Variants in RAVER2 observed in about 807,000 individuals in gnomAD.
RAVER2 encodes ribonucleoprotein PTB-binding 2.
RAVER2 carries 46 observed loss-of-function variants against 78.1 expected under a neutral mutation model. The ratio of observed to expected loss-of-function variants is 0.59; its 90% confidence interval spans 0.46 to 0.75. RAVER2 has a LOEUF of 0.75. Among genes scored for constraint, RAVER2 ranks in the 30% least tolerant of loss-of-function variants. The pLI is 0.00. For missense variants in RAVER2, 793 were observed against 837.5 expected (o/e 0.95, Z 0.66); for synonymous variants, 311 against 313.3 (o/e 0.99, Z 0.08).
At chr1:64,824,646 T>G (rs950934893) in intron 11 of RAVER2, among the ~76,000 whole-genome samples, 3 of 151,978 alleles carry the variant, frequency 2.0e-5, no homozygotes, top group African/African-American at 7.3e-5. Context: ...GAAATGTATT[T>G]CGGCTGGGCG....
chr1:64,803,179 TTAA>T (rs1290290716), intron 6 of RAVER2, 118 bp downstream of exon 6: 4 of 735,248 alleles, frequency 5.4e-6, no homozygotes, highest in East Asian at 2.8e-5. Flanking sequence ...AAGAAAATCT[TTAA>T]TAATAAGTAT....
At chr1:64,815,361 T>G (rs1024095652) in intron 11 of RAVER2, 1 of 152,220 alleles carries the variant, frequency 6.6e-6, no homozygotes, top group African/African-American at 2.4e-5. Flanking sequence ...GATGATCATA[T>G]TTACAGACAC....
intron 5 of RAVER2, among the ~76,000 whole-genome samples, chr1:64,792,931 T>C (rs1195476692): frequency 6.6e-6 from 1 of 152,190 alleles, no homozygotes; most frequent in African/African-American, 2.4e-5. Context: ...GGCTGGGTGC[T>C]GTAGTTCACG....
In RAVER2 at chr1:64,786,143, TA is replaced by T. The variant is rs908030664; in HGVS notation, c.979-3244del. ...GTTGATGCTTTGAGAAAGAAGATTA[TA>T]GTAATTTGTTTCTTGTTCCTTTAGA... is the stretch of plus-strand genomic sequence containing the variant. On this transcript the variant is annotated intron_variant, in intron 4 of 11. Coordinates refer to ENST00000294428, the Ensembl canonical transcript of RAVER2. Among the ~76,000 whole-genome samples, 14 of 152,314 alleles carry T rather than the reference TA, an allele frequency of 9.2e-5. No homozygotes were observed. The East Asian group carries it at 1.7e-3, about 19-fold the overall frequency.
intron 11 of RAVER2, among the ~76,000 whole-genome samples, chr1:64,823,238 G>A (rs186848902): frequency 2.6e-5 from 4 of 152,194 alleles, no homozygotes; most frequent in Non-Finnish European, 5.9e-5. Flanking sequence ...AAAGTAGTTA[G>A]TTATGAGCAA....
chr1:64,810,074 A>C (rs776776437), intron 9 of RAVER2, among the ~76,000 whole-genome samples: 6 of 152,050 alleles, frequency 3.9e-5, no homozygotes, highest in Non-Finnish European at 7.4e-5. Flanking sequence ...CCTGCTTTCA[A>C]TTCTTTGGGG....
chr1:64,808,311 A>C (rs1326179345), intron 9 of RAVER2, among the ~76,000 whole-genome samples: 2 of 152,132 alleles, frequency 1.3e-5, no homozygotes, highest in Non-Finnish European at 2.9e-5. Flanking sequence ...AGCAGTTTGT[A>C]AGGAAAAAAA....
chr1:64,790,453 A>G (rs1652906072), intron 5 of RAVER2, among the ~76,000 whole-genome samples: 1 of 152,192 alleles, frequency 6.6e-6, no homozygotes, highest in Non-Finnish European at 1.5e-5. Flanking sequence ...ATTTTCCTTA[A>G]TAATGGCCCC....
chr1:64,755,849 G>A (rs1015698554), intron 1 of RAVER2, among the ~76,000 whole-genome samples: 5 of 140,420 alleles, frequency 3.6e-5, no homozygotes, highest in South Asian at 2.3e-4. Flanking sequence ...TTACAGAAAT[G>A]TTTTAAGTAT....
intron 1 of RAVER2, among the ~76,000 whole-genome samples, chr1:64,749,298 C>T (rs539477406): frequency 1.3e-5 from 2 of 152,302 alleles, no homozygotes; most frequent in Admixed American, 1.3e-4. Flanking sequence ...GCAACCTCCA[C>T]CTCCTGGGTT....
At chr1:64,806,431 C>G (rs1472981976) in intron 8 of RAVER2, among the ~76,000 whole-genome samples, 1 of 152,060 alleles carries the variant, frequency 6.6e-6, no homozygotes, top group African/African-American at 2.4e-5. Flanking sequence ...ACAAAAAAAC[C>G]CTTTTATTTC....
intron 1 of RAVER2, among the ~76,000 whole-genome samples, chr1:64,760,621 T>C (rs1651993589): frequency 6.6e-6 from 1 of 152,110 alleles, no homozygotes; most frequent in Non-Finnish European, 1.5e-5. Flanking sequence ...TACTAGATGA[T>C]TGAAAGTGTA....
chr1:64,830,289 T>C (rs1009620990), intron 11 of RAVER2, among the ~76,000 whole-genome samples: 1 of 152,220 alleles, frequency 6.6e-6, no homozygotes, highest in Non-Finnish European at 1.5e-5. Flanking sequence ...TGCATTTTAA[T>C]ATGCTCGCCA....
At chr1:64,769,196 G>A (rs181214782) in intron 2 of RAVER2, among the ~76,000 whole-genome samples, 2 of 152,032 alleles carry the variant, frequency 1.3e-5, no homozygotes, top group Admixed American at 1.3e-4. Flanking sequence ...AAATTATGGA[G>A]GATAATGTAA....
In RAVER2 at chr1:64,745,147, T is replaced by C; in HGVS notation, c.-26T>C. ...CGCTTCCCCTGGAGCCTCCGAGGAG[T>C]CCGCAGCCGCTGGGCGCCCGGGAAG... On this transcript the variant is annotated 5_prime_UTR_variant, in exon 1 of 12. Coordinates refer to ENST00000294428, the Ensembl canonical transcript of RAVER2. This position sits in a 1 kb window ranked among gnomAD's most constrained non-coding sequence, Gnocchi z 4.3. 9.8e-7 allele frequency: 1 copy of C among 1,016,572 alleles called. No homozygotes were observed. Among genetic ancestry groups the C allele is most frequent in the Non-Finnish European group, 1.2e-6 (1 of 852,096 alleles). 63.0% of individuals were successfully genotyped at this position (1,016,572 alleles called of 1,614,324 possible). A position where few individuals can be genotyped will look rare whatever the true frequency, so the allele number is the denominator to read the frequency against.
At chr1:64,776,583 G>A (rs1045954240) in intron 2 of RAVER2, among the ~76,000 whole-genome samples, 3 of 152,156 alleles carry the variant, frequency 2.0e-5, no homozygotes, top group Non-Finnish European at 2.9e-5. Context: ...TTGTCATGCA[G>A]TTCTAATTGA....
exon 12 of RAVER2, chr1:64,833,109 G>T (rs1654222727): frequency 5.5e-6 from 1 of 182,016 alleles, no homozygotes; most frequent in East Asian, 9.1e-5. Context: ...TTGTTTGTTA[G>T]TAGTAAGGAC....
intron 11 of RAVER2, among the ~76,000 whole-genome samples, chr1:64,820,004 A>G (rs1210731933): frequency 6.6e-6 from 1 of 152,224 alleles, no homozygotes; most frequent in Non-Finnish European, 1.5e-5. Flanking sequence ...CAAAAATTGT[A>G]ACATATAGGG....
At position 64,768,649 on chromosome 1, in the gene RAVER2, C is replaced by T; in HGVS notation, c.250-7C>T. ...GTTTACTGAATTCGTGTTTTTTTCT[C>T]TTTCAGGAAGTTCATGATTTGTTAA... On this transcript the variant is annotated splice_region_variant and splice_polypyrimidine_tract_variant and intron_variant, in intron 1 of 11. Coordinates refer to ENST00000294428, the Ensembl canonical transcript of RAVER2. The T allele has an allele frequency of 6.5e-7, 1 of 1,537,718 alleles. No individual in the cohort carries two copies. Among genetic ancestry groups the T allele is most frequent in the Non-Finnish European group, 9.0e-7 (1 of 1,115,632 alleles).
Sources: allele counts gnomAD v4.1 joint callset (sites outside exome capture counted in the v4.1 genomes callset), GRCh38; gene constraint gnomAD v4.1.1; non-coding constraint Gnocchi (gnomAD v3.1); transcripts MANE v1.5; gene names NCBI Gene and HGNC (gene_info 2026-07-23, HGNC 2026-07-21).